Variants in EEFSEC observed in about 807,000 individuals in gnomAD.
EEFSEC encodes eukaryotic elongation factor, selenocysteine-tRNA specific.
In EEFSEC, 43 loss-of-function variants were observed where a neutral mutation model predicts 42.1. That is an observed-to-expected ratio of 1.02 (90% CI 0.80 to 1.32). EEFSEC has a LOEUF of 1.32. Ranked by LOEUF, EEFSEC falls within the 40% of genes most tolerant of loss-of-function variation. The pLI, the probability that EEFSEC is intolerant of heterozygous loss-of-function variation, is 0.00. For missense variants in EEFSEC, 745 were observed against 803.6 expected (o/e 0.93, Z 0.88); for synonymous variants, 354 against 339.1 (o/e 1.04, Z -0.48).
downstream of EEFSEC, among the ~76,000 whole-genome samples, chr3:128,413,395 A>G (rs940800500): frequency 2.0e-5 from 3 of 152,000 alleles, no homozygotes; most frequent in African/African-American, 7.3e-5. Flanking sequence ...CCCTGGGGCA[A>G]GCCCAGTGCA....
intron 2 of EEFSEC, 151 bp from the exon 3 acceptor site, chr3:128,261,977 A>G: frequency 2.8e-6 from 2 of 713,138 alleles, no homozygotes; most frequent in Non-Finnish European, 4.8e-6. Context: ...GCCATGTGCT[A>G]GTACAGTGGT....
chr3:128,357,937 G>A (rs184804122), intron 5 of EEFSEC, among the ~76,000 whole-genome samples: 2 of 152,252 alleles, frequency 1.3e-5, no homozygotes, highest in African/African-American at 4.8e-5. Flanking sequence ...CAGAGCTGCT[G>A]TGGGGACTGA....
At chr3:128,369,604 T>G (rs2107603370) in intron 6 of EEFSEC, among the ~76,000 whole-genome samples, 1 of 152,316 alleles carries the variant, frequency 6.6e-6, no homozygotes, top group Non-Finnish European at 1.5e-5. Context: ...CAGGGTACCT[T>G]CAAAGAACAA....
the EEFSEC span, among the ~76,000 whole-genome samples, chr3:128,420,906 C>T: frequency 6.6e-6 from 1 of 152,142 alleles, no homozygotes; most frequent in African/African-American, 2.4e-5. Context: ...GTTCCAGAAG[C>T]GGCGGCCCTT....
At chr3:128,403,351 G>C (rs1489802866) in intron 6 of EEFSEC, among the ~76,000 whole-genome samples, 3 of 152,196 alleles carry the variant, frequency 2.0e-5, no homozygotes, top group Non-Finnish European at 4.4e-5. Flanking sequence ...GGCAAGCAGA[G>C]GCCAGAGGTC....
At chr3:128,362,556 T>C (rs1210801453) in intron 6 of EEFSEC, among the ~76,000 whole-genome samples, 1 of 152,242 alleles carries the variant, frequency 6.6e-6, no homozygotes, top group African/African-American at 2.4e-5. Context: ...CACAGGGTGC[T>C]CCTGAACCAG....
At chr3:128,216,721 C>T (rs571029688) in intron 1 of EEFSEC, among the ~76,000 whole-genome samples, 55 of 152,328 alleles carry the variant, frequency 3.6e-4, no homozygotes, top group Admixed American at 9.8e-4. Flanking sequence ...CCCTGTTGGC[C>T]CTGCTCACAG....
chr3:128,297,726 C>T (rs2066722301), intron 4 of EEFSEC, among the ~76,000 whole-genome samples: 1 of 151,400 alleles, frequency 6.6e-6, no homozygotes, highest in East Asian at 2.0e-4. Context: ...CTCTCCCATG[C>T]TAAAAATTAG....
chr3:128,388,318 G>A (rs560246091), intron 6 of EEFSEC, among the ~76,000 whole-genome samples: 1 of 152,288 alleles, frequency 6.6e-6, no homozygotes, highest in Admixed American at 6.5e-5. Flanking sequence ...TGCATGCCAA[G>A]TCCCCCTCCA....
chr3:128,218,882 A>C (rs1436903085), intron 1 of EEFSEC, among the ~76,000 whole-genome samples: 1 of 152,216 alleles, frequency 6.6e-6, no homozygotes, highest in Non-Finnish European at 1.5e-5. Context: ...AAGGAACATA[A>C]GAATTCTTCT....
intron 6 of EEFSEC, among the ~76,000 whole-genome samples, chr3:128,387,760 C>T (rs2067859289): frequency 6.6e-6 from 1 of 152,064 alleles, no homozygotes; most frequent in Admixed American, 6.5e-5. Context: ...GGAATGTGCA[C>T]CTATGGAGTC....
chr3:128,290,081 G>A (rs79490154), intron 4 of EEFSEC, among the ~76,000 whole-genome samples: 2,441 of 152,128 alleles, frequency 0.016, 46 homozygotes, highest in African/African-American at 0.055. Context: ...TTTAATTTTG[G>A]TGAACTTCAA....
chr3:128,262,097 T>A (rs777772688), intron 2 of EEFSEC, 31 bp from the exon 3 acceptor site: 15 of 1,608,632 alleles, frequency 9.3e-6, no homozygotes, highest in African/African-American at 5.3e-5. Flanking sequence ...CTGATCTCTG[T>A]AACTGTGATG....
intron 4 of EEFSEC, among the ~76,000 whole-genome samples, chr3:128,320,569 AC>A (rs1303973322): frequency 6.6e-6 from 1 of 152,204 alleles, no homozygotes; most frequent in Non-Finnish European, 1.5e-5. Context: ...AAGAAGTCTG[AC>A]TTGAAAACCT....
chr3:128,182,878 C>CGGGGG (rs1262106998), intron 1 of EEFSEC, among the ~76,000 whole-genome samples: 5 of 4,564 alleles, frequency 1.1e-3, no homozygotes, highest in African/African-American at 3.0e-3. Flanking sequence ...CCACAGAGAT[C>CGGGGG]GGGGCGGGGG....
intron 1 of EEFSEC, 110 bp downstream of exon 1, chr3:128,153,933 A>G (rs1225258920): frequency 2.3e-5 from 31 of 1,360,682 alleles, no homozygotes; most frequent in Non-Finnish European, 2.9e-5. Flanking sequence ...GCCCCACCTC[A>G]TTGGTGGGGC....
intron 4 of EEFSEC, 87 bp from the exon 5 acceptor site, chr3:128,341,146 C>A: frequency 6.7e-7 from 1 of 1,490,790 alleles, no homozygotes; most frequent in Non-Finnish European, 9.0e-7. Flanking sequence ...GTGGTAAGCA[C>A]AGGATTCTCT....
intron 1 of EEFSEC, among the ~76,000 whole-genome samples, chr3:128,155,305 G>A (rs1944358376): frequency 6.6e-6 from 1 of 151,954 alleles, no homozygotes; most frequent in Non-Finnish European, 1.5e-5. Context: ...AGTAGACATG[G>A]GGTTTCACCA....
At chr3:128,376,287 C>T (rs1231538719) in intron 6 of EEFSEC, among the ~76,000 whole-genome samples, 3 of 152,186 alleles carry the variant, frequency 2.0e-5, no homozygotes, top group Non-Finnish European at 4.4e-5. Flanking sequence ...TAGAAGTAGG[C>T]GGAAACAGCA....
Sources: gnomAD v4.1 joint callset for allele counts (sites outside exome capture counted in the v4.1 genomes callset) on GRCh38, gnomAD v4.1.1 for gene constraint, MANE v1.5 for transcripts, NCBI Gene and HGNC (gene_info 2026-07-23, HGNC 2026-07-21) for gene names.